Variants in TTLL5 observed in about 807,000 individuals in gnomAD.
TTLL5 encodes tubulin tyrosine ligase like 5.
TTLL5 carries 132 observed loss-of-function variants against 168.4 expected under a neutral mutation model. The observed-to-expected ratio is 0.78, with a 90% confidence interval of 0.68 to 0.91. TTLL5 has a LOEUF of 0.91. Among genes scored for constraint, TTLL5 ranks in the 40% least tolerant of loss-of-function variants. TTLL5 has a pLI of 0.00. For missense variants in TTLL5, 1,545 were observed against 1,581.5 expected (o/e 0.98, Z 0.39); for synonymous variants, 546 against 558.6 (o/e 0.98, Z 0.32).
chr14:75,681,941 A>T (rs1340641049), intron 4 of TTLL5, among the ~76,000 whole-genome samples: 1 of 152,040 alleles, frequency 6.6e-6, no homozygotes, highest in Non-Finnish European at 1.5e-5. Context: ...AACTGAACAG[A>T]CTTTGCTTAA....
intron 31 of TTLL5, chr14:75,930,635 G>A: frequency 1.0e-6 from 1 of 985,360 alleles, no homozygotes; most frequent in African/African-American, 1.7e-5. Context: ...TGGATCAGAG[G>A]TCAAGTGGGA....
chr14:75,674,927 A>G (rs1484801645), intron 3 of TTLL5, among the ~76,000 whole-genome samples: 1 of 152,266 alleles, frequency 6.6e-6, no homozygotes, highest in East Asian at 1.9e-4. Context: ...TAAAAAAACC[A>G]TTAATATTTT....
intron 4 of TTLL5, 104 bp from the exon 5 acceptor site, chr14:75,683,446 A>G (rs1884784633): frequency 4.4e-6 from 4 of 903,948 alleles, no homozygotes; most frequent in Non-Finnish European, 7.2e-6. Context: ...CGGTGAGTAC[A>G]CTGTGGATGA....
intron 3 of TTLL5, among the ~76,000 whole-genome samples, chr14:75,672,325 C>A (rs148129973): frequency 0.053 from 8,130 of 152,262 alleles, 476 homozygotes; most frequent in East Asian, 0.32. Flanking sequence ...CAGCTCACTG[C>A]AACCTCCTCC....
rs140280577 is a variant in TTLL5 at position 75,942,635 on chromosome 14, T to C, written c.3824-11789T>C. On this transcript the variant is annotated intron_variant, in intron 31 of 31. Coordinates refer to ENST00000298832, the MANE Select transcript of TTLL5 (RefSeq NM_015072.5). ...TGAGCACGACATGTGAATCTGCTCT[T>C]GGCTTCAATGGTTCTTCATTCCTAG... Among the ~76,000 whole-genome samples, 242 of 152,370 alleles carry C rather than the reference T, an allele frequency of 1.6e-3. 2 individuals carry two copies. The highest frequency in any genetic ancestry group is 5.6e-3 in the African/African-American group (233 of 41,586).
chr14:75,703,735 G>A (rs1886447822), intron 7 of TTLL5, among the ~76,000 whole-genome samples: 2 of 152,194 alleles, frequency 1.3e-5, no homozygotes, highest in South Asian at 4.1e-4. Flanking sequence ...TCCTATATTC[G>A]TGAATATAAT....
intron 31 of TTLL5, among the ~76,000 whole-genome samples, chr14:75,925,233 G>C (rs2033993688): frequency 6.7e-6 from 1 of 149,164 alleles, no homozygotes; most frequent in Non-Finnish European, 1.5e-5. Context: ...CCTGGCGGGG[G>C]CTGACCCCCA....
chr14:75,883,972 C>T (rs190021920), intron 30 of TTLL5, among the ~76,000 whole-genome samples: 45 of 152,312 alleles, frequency 3.0e-4, no homozygotes, highest in South Asian at 1.5e-3. Context: ...TTCACATCCT[C>T]AGGCCACACT....
At chr14:75,735,404 G>A in intron 15 of TTLL5, 115 bp downstream of exon 15, 1 of 966,018 alleles carries the variant, frequency 1.0e-6, no homozygotes, top group Middle Eastern at 2.3e-4. Context: ...AGGAGAATTT[G>A]GGGATCACTC....
At chr14:75,773,957 A>AAAGAG (rs1891538898) in intron 21 of TTLL5, among the ~76,000 whole-genome samples, 1 of 43,382 alleles carries the variant, frequency 2.3e-5, no homozygotes. Flanking sequence ...GAGAGAGAGA[A>AAAGAG]AGAGAGAGAG....
chr14:75,713,274 A>G (rs950035392), intron 9 of TTLL5, among the ~76,000 whole-genome samples: 31 of 152,168 alleles, frequency 2.0e-4, no homozygotes, highest in Non-Finnish European at 2.5e-4. Flanking sequence ...TACTTTTTCT[A>G]TGTTTAGATA....
chr14:75,779,423 T>C (rs1284452742), intron 23 of TTLL5, 152 bp from the exon 24 acceptor site: 1 of 1,050,134 alleles, frequency 9.5e-7, no homozygotes, highest in Non-Finnish European at 1.4e-6. Context: ...CTTTCATTTA[T>C]ATTTTATTTT....
intron 27 of TTLL5, among the ~76,000 whole-genome samples, chr14:75,816,741 G>A (rs988932293): frequency 6.6e-6 from 1 of 152,082 alleles, no homozygotes; most frequent in African/African-American, 2.4e-5. Context: ...TACTTTTTCT[G>A]TAAGTTTCAA....
chr14:75,681,269 C>T (rs952804854), intron 3 of TTLL5, among the ~76,000 whole-genome samples: 1 of 151,974 alleles, frequency 6.6e-6, no homozygotes, highest in Non-Finnish European at 1.5e-5. Context: ...GTTAATACTG[C>T]CTGTTTTGTT....
chr14:75,683,854 ACCTCTG>A (rs1884818573), intron 5 of TTLL5, 198 bp downstream of exon 5: 5 of 417,382 alleles, frequency 1.2e-5, no homozygotes, highest in Non-Finnish European at 2.2e-5. Context: ...GCTCACTGCA[ACCTCTG>A]CCTCCTGAGT....
At chr14:75,701,691 C>T (rs1229821998) in intron 7 of TTLL5, among the ~76,000 whole-genome samples, 7 of 152,160 alleles carry the variant, frequency 4.6e-5, no homozygotes, top group Admixed American at 3.3e-4. Flanking sequence ...CAGATTTCTG[C>T]ACCCACACGT....
chr14:75,767,104 A>G (rs1214915311), intron 20 of TTLL5, among the ~76,000 whole-genome samples: 4 of 151,842 alleles, frequency 2.6e-5, no homozygotes, highest in Non-Finnish European at 5.9e-5. Flanking sequence ...TGGAGTTTGC[A>G]GTGAGCCAAG....
At position 75,719,839 on chromosome 14, in the gene TTLL5, C is replaced by A; in HGVS notation, c.934+13C>A. 2.5e-6 allele frequency: 4 copies of A among 1,611,656 alleles called. No individual in the cohort carries two copies. The South Asian group carries it at 4.4e-5, about 18-fold the overall frequency. ...AGAGATACAACCGGTGAGTACTGGG[C>A]CTTTTTCCTTCTTGACTTCTCTTCT... On this transcript the variant is annotated intron_variant, in intron 11 of 31. Transcript: ENST00000298832.
chr14:75,789,776 A>G lies in TTLL5; in HGVS notation c.2987-3140A>G, dbSNP rs913852169. ...TGCATAGGAAGACTCAATATCATCA[A>G]AGTTTCCATTTTCATCACATTGATC... On this transcript the variant is annotated intron_variant, in intron 26 of 31. Coordinates refer to ENST00000298832, the MANE Select transcript of TTLL5 (RefSeq NM_015072.5). Among the ~76,000 whole-genome samples the G allele has an allele frequency of 2.6e-5, 4 of 151,870 alleles. No individual in the cohort carries two copies. In the South Asian group the frequency reaches 6.2e-4, roughly 24 times the overall value.
Sources: allele counts gnomAD v4.1 joint callset (sites outside exome capture counted in the v4.1 genomes callset), GRCh38; gene constraint gnomAD v4.1.1; transcripts MANE v1.5; gene names NCBI Gene and HGNC (gene_info 2026-07-23, HGNC 2026-07-21).